SLIT3: variants seen among roughly 807,000 people sequenced by gnomAD.
SLIT3 encodes the protein slit homolog 3 protein.
In SLIT3, 68 loss-of-function variants were observed where a neutral mutation model predicts 184.0. The ratio of observed to expected loss-of-function variants is 0.37; its 90% CI spans 0.30 to 0.45. The LOEUF (loss-of-function observed/expected upper bound fraction) is 0.45. SLIT3 is among the 20% of genes least tolerant of loss of function. SLIT3 has a pLI of 1.00. For missense variants in SLIT3, 1,707 were observed against 2,026.0 expected, an observed-to-expected ratio of 0.84 and a Z score of 3.02; for synonymous variants, 831 against 828.6, an observed-to-expected ratio of 1.00 and a Z score of -0.05.
At chr5:168,928,209 C>T (rs1562010802) in intron 4 of SLIT3, among the ~76,000 whole-genome samples, 2 of 152,112 alleles carry the variant, frequency 1.3e-5, no homozygotes, top group Non-Finnish European at 2.9e-5. Flanking sequence ...TACAAATACT[C>T]TTCCCTTTAA....
chr5:169,253,223 A>G (rs770212872), intron 1 of SLIT3, among the ~76,000 whole-genome samples: 2 of 152,214 alleles, frequency 1.3e-5, no homozygotes, highest in Non-Finnish European at 2.9e-5. Flanking sequence ...CTGAATTCAG[A>G]TGGATGTTTG....
intron 4 of SLIT3, among the ~76,000 whole-genome samples, chr5:169,009,365 T>C (rs1448830063): frequency 6.6e-6 from 1 of 152,138 alleles, no homozygotes; most frequent in East Asian, 1.9e-4. Flanking sequence ...AAGATGTCAT[T>C]AGTGAGAAAT....
At chr5:168,870,398 CCCATT>C (rs1433375886) in intron 5 of SLIT3, among the ~76,000 whole-genome samples, 2 of 152,198 alleles carry the variant, frequency 1.3e-5, no homozygotes, top group African/African-American at 4.8e-5. Context: ...AGCCCTAAGC[CCCATT>C]CCAGGTAATC....
chr5:168,662,789 C>T lies in SLIT3; in HGVS notation c.*3665G>A, dbSNP rs1477852397. The T allele has an allele frequency of 6.6e-6, 1 of 152,234 alleles. No homozygotes were observed. Among genetic ancestry groups the T allele is most frequent in the African/African-American group, 2.4e-5 (1 of 41,456 alleles). The allele number at this position is 152,234 out of a possible 1,614,324, so 9.4% of individuals were successfully genotyped here. ...ACACAGCTTGAGCGGCCTCTTCTGC[C>T]CACGTACATTGCCACACAAACACTG... On this transcript the variant is annotated 3_prime_UTR_variant, in exon 36 of 36. Coordinates refer to ENST00000519560, the MANE Select transcript of SLIT3 (RefSeq NM_003062.4).
intron 5 of SLIT3, among the ~76,000 whole-genome samples, chr5:168,876,058 A>C (rs868137817): frequency 2.0e-5 from 3 of 152,070 alleles, no homozygotes; most frequent in Non-Finnish European, 4.4e-5. Flanking sequence ...ACCCCATTTG[A>C]GACGAGAGCC....
At chr5:168,835,134 T>C (rs1250140869) in intron 6 of SLIT3, among the ~76,000 whole-genome samples, 1 of 152,202 alleles carries the variant, frequency 6.6e-6, no homozygotes, top group Non-Finnish European at 1.5e-5. Context: ...ACGGTGCTGC[T>C]GGAGAGATCC....
At position 169,248,395 on chromosome 5, in the gene SLIT3, A is replaced by T. The variant is rs182068187; in HGVS notation, c.269+2993T>A. Among the ~76,000 whole-genome samples the T allele has an allele frequency of 2.6e-5, 4 of 152,292 alleles. No homozygotes were observed. In the East Asian group the frequency reaches 7.8e-4, roughly 30 times the overall value. ...CTGGCAATCAGAGGCTCAACAAATCATCGATATTTGATGAATAAATGGATC... is the reference window on the plus strand; with the variant it reads ...CTGGCAATCAGAGGCTCAACAAATCTTCGATATTTGATGAATAAATGGATC... On this transcript the variant is annotated intron_variant, in intron 2 of 35. Coordinates refer to ENST00000519560, the MANE Select transcript of SLIT3 (RefSeq NM_003062.4).
chr5:169,243,874 C>T (rs900976054), intron 3 of SLIT3, among the ~76,000 whole-genome samples: 2 of 152,196 alleles, frequency 1.3e-5, no homozygotes, highest in African/African-American at 4.8e-5. Context: ...AGAGAGCCAC[C>T]CACCAGCATG....
intron 4 of SLIT3, among the ~76,000 whole-genome samples, chr5:168,963,475 T>C (rs1378651559): frequency 6.6e-6 from 1 of 152,256 alleles, no homozygotes; most frequent in East Asian, 1.9e-4. Flanking sequence ...CCTAACCTCA[T>C]GCTCATTTCT....
intron 4 of SLIT3, among the ~76,000 whole-genome samples, chr5:168,924,236 C>T (rs989351516): frequency 5.3e-5 from 8 of 152,152 alleles, no homozygotes; most frequent in South Asian, 2.1e-4. Context: ...GGTCATGTGT[C>T]GGCCTGGACT....
chr5:168,751,646 C>T (rs1045164022), intron 18 of SLIT3, among the ~76,000 whole-genome samples: 6 of 152,274 alleles, frequency 3.9e-5, no homozygotes, highest in African/African-American at 9.6e-5. Flanking sequence ...GCGCACTACC[C>T]GGGCAGGAGC....
At chr5:168,979,304 T>C (rs1016927808) in intron 4 of SLIT3, among the ~76,000 whole-genome samples, 3 of 152,142 alleles carry the variant, frequency 2.0e-5, no homozygotes, top group Non-Finnish European at 2.9e-5. Flanking sequence ...AGATGTGCAC[T>C]TGGAGGCCAG....
intron 4 of SLIT3, among the ~76,000 whole-genome samples, chr5:168,884,848 G>A (rs182210699): frequency 3.9e-5 from 6 of 151,900 alleles, no homozygotes; most frequent in African/African-American, 9.6e-5. Flanking sequence ...TCCTTGGTAC[G>A]GGGTCCTAGA....
chr5:168,962,827 G>A (rs751282580), intron 4 of SLIT3, among the ~76,000 whole-genome samples: 2 of 152,132 alleles, frequency 1.3e-5, no homozygotes, highest in African/African-American at 4.8e-5. Flanking sequence ...TTGAACCTGT[G>A]GTTCTCATTG....
chr5:169,198,100 C>A (rs779438217), intron 3 of SLIT3, among the ~76,000 whole-genome samples: 7 of 152,234 alleles, frequency 4.6e-5, no homozygotes, highest in Non-Finnish European at 7.3e-5. Context: ...GTCCAACCAC[C>A]ATTTACCCAT....
chr5:168,848,763 G>GT (rs1392550725), intron 5 of SLIT3, among the ~76,000 whole-genome samples: 16 of 152,224 alleles, frequency 1.1e-4, no homozygotes, highest in Non-Finnish European at 2.9e-5. Flanking sequence ...GAAAGCCAGC[G>GT]TGAGTGAGGA....
chr5:169,151,606 C>T (rs1762119422), intron 4 of SLIT3, among the ~76,000 whole-genome samples: 1 of 152,222 alleles, frequency 6.6e-6, no homozygotes, highest in Admixed American at 6.5e-5. Context: ...GTTCACTTGG[C>T]ATCAATGTCA....
At chr5:168,892,920 C>G (rs1161725021) in intron 4 of SLIT3, among the ~76,000 whole-genome samples, 1 of 152,312 alleles carries the variant, frequency 6.6e-6, no homozygotes, top group South Asian at 2.1e-4. Flanking sequence ...TCATTATCAG[C>G]CCAATTATGC....
chr5:168,882,293 T>A (rs1759982726), intron 5 of SLIT3, among the ~76,000 whole-genome samples: 1 of 152,144 alleles, frequency 6.6e-6, no homozygotes, highest in Admixed American at 6.5e-5. Flanking sequence ...CAAAAGCATG[T>A]TCCGACCCCG....
Sources: allele counts gnomAD v4.1 joint callset (sites outside exome capture counted in the v4.1 genomes callset), GRCh38; gene constraint gnomAD v4.1.1; transcripts MANE v1.5; gene names NCBI Gene and HGNC (gene_info 2026-07-23, HGNC 2026-07-21).